The following SDK1 variants were observed in gnomAD, a reference collection of about 807,000 sequenced individuals.
SDK1 encodes the protein protein sidekick-1.
A neutral mutation model predicts 245.5 loss-of-function variants in SDK1; 157 were observed. That is an observed-to-expected ratio of 0.64 (90% CI 0.56 to 0.73). The LOEUF is 0.73. Ranked by LOEUF, SDK1 falls within the 30% of genes least tolerant of loss-of-function variation. The probability of loss-of-function intolerance (pLI) is 0.00; values close to 1 mark genes in which losing one functional copy is unlikely to be tolerated. For missense variants in SDK1, 3,583 were observed against 3,002.3 expected, an observed-to-expected ratio of 1.19 and a Z score of -4.52; for synonymous variants, 1,647 against 1,278.5, an observed-to-expected ratio of 1.29 and a Z score of -6.15.
At chr7:3,661,784 C>G (rs968547211) in intron 4 of SDK1, among the ~76,000 whole-genome samples, 3 of 152,078 alleles carry the variant, frequency 2.0e-5, no homozygotes, top group South Asian at 2.1e-4. Context: ...GCTGTGATAC[C>G]TAATAGTTGT....
rs1785136968 is a variant in SDK1 at position 4,221,216 on chromosome 7, CTCTTT to C, written c.5702-18_5702-14del. 1.2e-6 allele frequency: 2 copies of C among 1,611,712 alleles called. No individual in the cohort carries two copies. Among genetic ancestry groups the C allele is most frequent in the African/African-American group, 1.3e-5 (1 of 74,934 alleles). The stretch of plus-strand genomic sequence containing the variant: ...GCCCCGCAGGGCTGATGCCTCACCT[CTCTTT>C]TCTTCTTTATCCCGCAGGATCCCCG... On this transcript the variant is annotated intron_variant, in intron 39 of 44. Coordinates refer to ENST00000404826, the MANE Select transcript of SDK1 (RefSeq NM_152744.4).
intron 1 of SDK1, among the ~76,000 whole-genome samples, chr7:3,601,792 G>C (rs887953796): frequency 6.7e-6 from 1 of 150,154 alleles, no homozygotes; most frequent in African/African-American, 2.5e-5. Flanking sequence ...TCGTCATTTA[G>C]CATTAGGTAT....
intron 1 of SDK1, among the ~76,000 whole-genome samples, chr7:3,613,694 T>C (rs897095640): frequency 5.3e-5 from 8 of 152,174 alleles, no homozygotes; most frequent in African/African-American, 1.9e-4. Context: ...AAGACACATA[T>C]GTTCCCAATA....
intron 5 of SDK1, among the ~76,000 whole-genome samples, chr7:3,903,342 A>G (rs1472820012): frequency 1.3e-5 from 2 of 152,008 alleles, no homozygotes; most frequent in South Asian, 4.2e-4. Flanking sequence ...ACGAGGTTTC[A>G]CCGTGTTAGC....
At chr7:3,779,912 C>A (rs1306144486) in intron 4 of SDK1, among the ~76,000 whole-genome samples, 1 of 142,176 alleles carries the variant, frequency 7.0e-6, no homozygotes, top group Non-Finnish European at 1.5e-5. Context: ...GCAGTCCGGC[C>A]TGGGCGACAG....
chr7:3,677,885 A>G (rs1362012503), intron 4 of SDK1, among the ~76,000 whole-genome samples: 1 of 152,194 alleles, frequency 6.6e-6, no homozygotes, highest in African/African-American at 2.4e-5. Context: ...ACAAAACTCC[A>G]TAGAATCTGA....
At chr7:3,941,516 G>A (rs185528208) in intron 5 of SDK1, among the ~76,000 whole-genome samples, 34 of 151,780 alleles carry the variant, frequency 2.2e-4, no homozygotes, top group Non-Finnish European at 4.6e-4. Flanking sequence ...TGGGCCAAAC[G>A]GGTTCCCTCC....
intron 35 of SDK1, among the ~76,000 whole-genome samples, chr7:4,187,187 A>G (rs1453692897): frequency 6.6e-6 from 1 of 152,072 alleles, no homozygotes; most frequent in Non-Finnish European, 1.5e-5. Context: ...GGCAGGGGGC[A>G]CCTGAGGGAG....
intron 21 of SDK1, 71 bp downstream of exon 21, chr7:4,077,260 T>C: frequency 6.9e-7 from 1 of 1,457,376 alleles, no homozygotes; most frequent in Admixed American, 2.0e-5. Flanking sequence ...AGAAGTTGAT[T>C]GGCACTTTGG....
At chr7:4,003,790 T>A (rs1785251519) in intron 14 of SDK1, among the ~76,000 whole-genome samples, 1 of 152,226 alleles carries the variant, frequency 6.6e-6, no homozygotes, top group African/African-American at 2.4e-5. Context: ...GAATGCAGCC[T>A]GCTTATACTC....
intron 1 of SDK1, among the ~76,000 whole-genome samples, chr7:3,363,937 C>G (rs1238071054): frequency 1.3e-5 from 2 of 152,162 alleles, no homozygotes; most frequent in Admixed American, 6.5e-5. Flanking sequence ...TGAATGTGAT[C>G]CAGTTTCACA....
chr7:4,148,087 G>C (rs1780108156), intron 29 of SDK1, among the ~76,000 whole-genome samples: 1 of 152,046 alleles, frequency 6.6e-6, no homozygotes, highest in African/African-American at 2.4e-5. Context: ...GAATCCAAGA[G>C]ACTTGCTAGT....
Position 3,899,489 on chromosome 7 carries a change from G to A in SDK1, c.848-51434G>A, listed in dbSNP as rs142258893. Among the ~76,000 whole-genome samples, 85 of 152,334 alleles carry A rather than the reference G, an allele frequency of 5.6e-4. 1 individual carries two copies. Among genetic ancestry groups the A allele is most frequent in the African/African-American group, 1.9e-3 (79 of 41,576 alleles). Reference sequence around the variant, plus strand: ...CTTGTCTAGGAAGGGGGAGCAGTGTGGCTGCCCTACAGCATTGGTGGGAAG... The same window carrying A: ...CTTGTCTAGGAAGGGGGAGCAGTGTAGCTGCCCTACAGCATTGGTGGGAAG... On this transcript the variant is annotated intron_variant, in intron 5 of 44. Transcript: ENST00000404826.
At chr7:3,909,277 G>A (rs553702715) in intron 5 of SDK1, among the ~76,000 whole-genome samples, 5 of 152,166 alleles carry the variant, frequency 3.3e-5, no homozygotes, top group Non-Finnish European at 5.9e-5. Context: ...AGGCTCTCTC[G>A]GGTGGTGACC....
At chr7:3,349,610 T>G (rs1309468449) in intron 1 of SDK1, among the ~76,000 whole-genome samples, 2 of 152,004 alleles carry the variant, frequency 1.3e-5, no homozygotes, top group African/African-American at 4.8e-5. Flanking sequence ...TATCTTTTAT[T>G]TTTTTTTGAG....
chr7:4,115,323 A>G (rs1562832281), intron 25 of SDK1, among the ~76,000 whole-genome samples: 1 of 152,276 alleles, frequency 6.6e-6, no homozygotes, highest in East Asian at 1.9e-4. Flanking sequence ...TAGAAATACA[A>G]CTTAAATTCC....
At chr7:4,241,330 T>C (rs990207830) in intron 42 of SDK1, among the ~76,000 whole-genome samples, 13 of 152,132 alleles carry the variant, frequency 8.5e-5, no homozygotes, top group African/African-American at 3.1e-4. Context: ...TTTCCCGGAA[T>C]TTTTAGAAGT....
chr7:3,471,550 C>A (rs1268870563), intron 1 of SDK1, among the ~76,000 whole-genome samples: 1 of 152,096 alleles, frequency 6.6e-6, no homozygotes, highest in African/African-American at 2.4e-5. Context: ...AGTTTCGATT[C>A]TTCACACCAT....
At chr7:3,374,595 C>CT (rs1384949512) in intron 1 of SDK1, among the ~76,000 whole-genome samples, 5 of 152,112 alleles carry the variant, frequency 3.3e-5, no homozygotes, top group Middle Eastern at 3.4e-3. Flanking sequence ...TTTTACTGGC[C>CT]TTTTTTCCAG....
Sources: gnomAD v4.1 joint callset for allele counts (sites outside exome capture counted in the v4.1 genomes callset) on GRCh38, gnomAD v4.1.1 for gene constraint, MANE v1.5 for transcripts, NCBI Gene and HGNC (gene_info 2026-07-23, HGNC 2026-07-21) for gene names.